The following CBR4 variants were observed in gnomAD, a reference collection of about 807,000 sequenced individuals.
CBR4 encodes 3-oxoacyl-[acyl-carrier-protein] reductase.
In CBR4, 22 loss-of-function variants were observed where a neutral mutation model predicts 21.0. The observed-to-expected ratio is 1.05, with a 90% confidence interval of 0.75 to 1.50. The LOEUF (loss-of-function observed/expected upper bound fraction) is 1.50, where lower values mean the gene tolerates loss of function less well. CBR4 is among the 40% of genes most tolerant of loss of function. The pLI is 0.00. For missense variants in CBR4, 302 were observed against 286.3 expected (o/e 1.05, Z -0.40); for synonymous variants, 100 against 104.4 (o/e 0.96, Z 0.26).
intron 2 of CBR4, chr4:168,926,732 G>C: frequency 3.4e-6 from 1 of 298,428 alleles, no homozygotes; most frequent in Non-Finnish European, 6.3e-6. Flanking sequence ...CAAGATATAG[G>C]TGCTGTGTAG....
At chr4:168,961,821 C>T (rs367816241) in intron 2 of CBR4, among the ~76,000 whole-genome samples, 3 of 151,762 alleles carry the variant, frequency 2.0e-5, no homozygotes, top group Non-Finnish European at 2.9e-5. Flanking sequence ...ACCCGGGAGG[C>T]GGAGGTTACA....
chr4:168,902,922 C>T (rs1270284518), intron 2 of CBR4, among the ~76,000 whole-genome samples: 1 of 152,052 alleles, frequency 6.6e-6, no homozygotes, highest in Non-Finnish European at 1.5e-5. Context: ...TAGACATGCA[C>T]CACCACACCC....
chr4:168,955,106 T>G (rs1331535170), intron 2 of CBR4, among the ~76,000 whole-genome samples: 1 of 152,242 alleles, frequency 6.6e-6, no homozygotes, highest in Non-Finnish European at 1.5e-5. Context: ...ATTATATTTA[T>G]GTAATTGTCA....
intron 2 of CBR4, chr4:168,898,446 T>C (rs1400036137): frequency 8.1e-7 from 1 of 1,233,998 alleles, no homozygotes; most frequent in Non-Finnish European, 1.2e-6. Flanking sequence ...ACGTGACACT[T>C]TGTCAGAAGG....
intron 2 of CBR4, among the ~76,000 whole-genome samples, chr4:168,905,168 T>TG (rs1757420546): frequency 6.9e-6 from 1 of 144,384 alleles, no homozygotes; most frequent in Non-Finnish European, 1.5e-5. Flanking sequence ...TTTTTTTTTT[T>TG]GAGATGGAAT....
chr4:168,905,790 CTTTTTTTTTT>C (rs59427697), intron 2 of CBR4, among the ~76,000 whole-genome samples: 7 of 113,096 alleles, frequency 6.2e-5, no homozygotes, highest in African/African-American at 9.7e-5. Context: ...GCTTTTTTTT[CTTTTTTTTTT>C]TTTTTTTTTT....
chr4:168,914,108 A>C (rs1252464477), intron 2 of CBR4: 8 of 831,550 alleles, frequency 9.6e-6, no homozygotes, highest in Non-Finnish European at 1.6e-5. Flanking sequence ...ATATGACCAC[A>C]AAAGTAAACA....
At chr4:168,981,634 A>C (rs1170078091) in intron 2 of CBR4, among the ~76,000 whole-genome samples, 2 of 152,214 alleles carry the variant, frequency 1.3e-5, no homozygotes. Flanking sequence ...AAAGATGCCA[A>C]ATCTATGACT....
intron 2 of CBR4, chr4:168,928,538 G>A (rs1016650895): frequency 1.8e-5 from 3 of 163,076 alleles, no homozygotes; most frequent in Admixed American, 1.3e-4. Flanking sequence ...ATTACTCACA[G>A]TTCTGTAAAT....
At chr4:168,957,798 C>T (rs1324839251) in intron 2 of CBR4, among the ~76,000 whole-genome samples, 4 of 152,128 alleles carry the variant, frequency 2.6e-5, no homozygotes, top group Non-Finnish European at 4.4e-5. Context: ...CCCCACATGT[C>T]GTGGAAGGGA....
intron 2 of CBR4, among the ~76,000 whole-genome samples, chr4:168,976,261 A>G (rs1027595690): frequency 6.6e-6 from 1 of 152,216 alleles, no homozygotes; most frequent in African/African-American, 2.4e-5. Context: ...TAACGCCAGG[A>G]ATAGCTTCCA....
chr4:169,006,704 T>C, intron 3 of CBR4, 51 bp downstream of exon 3: 1 of 1,448,316 alleles, frequency 6.9e-7, no homozygotes, highest in Non-Finnish European at 9.5e-7. Flanking sequence ...TAAATATTTT[T>C]ATGGTATGGT....
intron 3 of CBR4, among the ~76,000 whole-genome samples, chr4:169,002,603 C>G (rs1730545844): frequency 6.6e-6 from 1 of 152,194 alleles, no homozygotes; most frequent in Non-Finnish European, 1.5e-5. Flanking sequence ...TTTTATGATT[C>G]TACAACACAG....
chr4:169,004,115 A>T (rs1730694274), intron 3 of CBR4, among the ~76,000 whole-genome samples: 2 of 152,068 alleles, frequency 1.3e-5, no homozygotes, highest in Admixed American at 1.3e-4. Context: ...TAAAAAAATA[A>T]AAAAAATAAA....
chr4:168,958,165 G>A (rs921273287), intron 2 of CBR4, among the ~76,000 whole-genome samples: 8 of 152,100 alleles, frequency 5.3e-5, no homozygotes, highest in African/African-American at 1.9e-4. Flanking sequence ...TCGGGAGGCT[G>A]AGACAGGAGA....
chr4:168,966,528 A>G (rs1764039302), intron 2 of CBR4, among the ~76,000 whole-genome samples: 1 of 152,008 alleles, frequency 6.6e-6, no homozygotes, highest in African/African-American at 2.4e-5. Flanking sequence ...CTCCGTCTCA[A>G]AGAAAAAAAA....
downstream of CBR4, among the ~76,000 whole-genome samples, chr4:168,985,314 G>C (rs375111516): frequency 6.6e-6 from 1 of 152,078 alleles, no homozygotes; most frequent in East Asian, 1.9e-4. Context: ...AAACACTAAG[G>C]AAATGCAAAT....
At chr4:168,994,305 T>C (rs1425504507) in intron 4 of CBR4, among the ~76,000 whole-genome samples, 1 of 152,240 alleles carries the variant, frequency 6.6e-6, no homozygotes, top group Non-Finnish European at 1.5e-5. Context: ...GGAACGCCTT[T>C]AAGCGGTTTT....
intron 2 of CBR4, among the ~76,000 whole-genome samples, chr4:168,950,451 G>A (rs1322161778): frequency 6.6e-6 from 1 of 152,192 alleles, no homozygotes; most frequent in African/African-American, 2.4e-5. Context: ...ACTGTGGTCT[G>A]AGAGAGTGCT....
Sources: gnomAD v4.1 joint callset for allele counts (sites outside exome capture counted in the v4.1 genomes callset) on GRCh38, gnomAD v4.1.1 for gene constraint, MANE v1.5 for transcripts, NCBI Gene and HGNC (gene_info 2026-07-23, HGNC 2026-07-21) for gene names.